Variants in ABCD3 observed in about 807,000 individuals in gnomAD.
The protein encoded by ABCD3 is ATP-binding cassette sub-family D member 3.
A neutral mutation model predicts 105.5 loss-of-function variants in ABCD3; 41 were observed. That is an observed-to-expected ratio of 0.39 (90% CI 0.30 to 0.50). The LOEUF is 0.50. ABCD3 is among the 20% of genes least tolerant of loss of function. ABCD3 has a pLI of 0.84. For missense variants in ABCD3, 622 were observed against 806.3 expected (o/e 0.77, Z 2.77); for synonymous variants, 258 against 269.0 (o/e 0.96, Z 0.40).
intron 1 of ABCD3, among the ~76,000 whole-genome samples, chr1:94,440,424 C>T (rs988469397): frequency 3.3e-5 from 5 of 152,156 alleles, no homozygotes; most frequent in African/African-American, 7.2e-5. Context: ...TTTCTCTTCG[C>T]AGGAGGCTCT....
chr1:94,476,183 ACAAGATG>A (rs1208169163), intron 7 of ABCD3, among the ~76,000 whole-genome samples: 1 of 152,192 alleles, frequency 6.6e-6, no homozygotes, highest in Non-Finnish European at 1.5e-5. Flanking sequence ...AAAAAATTTC[ACAAGATG>A]CAAGTATATT....
intron 1 of ABCD3, among the ~76,000 whole-genome samples, chr1:94,428,074 G>T (rs573747): frequency 0.21 from 26,094 of 126,088 alleles, 2,796 homozygotes; most frequent in East Asian, 0.38. Context: ...AAGGTGTTTT[G>T]TTTTTTTTTT....
chr1:94,472,114 G>T (rs972360), intron 4 of ABCD3: 7,073 of 478,798 alleles, frequency 0.015, 72 homozygotes, highest in Middle Eastern at 0.034. Context: ...TAAACATTTG[G>T]AAGTTGTAGT....
At chr1:94,462,160 C>T (rs545804769) in intron 2 of ABCD3, among the ~76,000 whole-genome samples, 55 of 152,032 alleles carry the variant, frequency 3.6e-4, no homozygotes, top group Non-Finnish European at 6.6e-4. Context: ...CTATAATGTT[C>T]ATGTTAAACT....
At chr1:94,416,055 A>C (rs987151089), upstream of ABCD3, among the ~76,000 whole-genome samples, 1 of 152,176 alleles carries the variant, frequency 6.6e-6, no homozygotes, top group Non-Finnish European at 1.5e-5. Flanking sequence ...TAACTTTTAG[A>C]ATGTTTTGTC....
chr1:94,426,810 G>T (rs1485268216), intron 1 of ABCD3, among the ~76,000 whole-genome samples: 1 of 149,790 alleles, frequency 6.7e-6, no homozygotes, highest in Non-Finnish European at 1.5e-5. Flanking sequence ...CTCCCAAAGT[G>T]CTGGGATTAC....
At chr1:94,398,043 C>T in the ABCD3 span, among the ~76,000 whole-genome samples, 1 of 151,976 alleles carries the variant, frequency 6.6e-6, no homozygotes, top group South Asian at 2.1e-4. Context: ...TTTCTTCACC[C>T]CATTTATTTA....
intron 19 of ABCD3, 32 bp from the exon 20 acceptor site, chr1:94,499,457 ATTAAGT>A: frequency 6.3e-7 from 1 of 1,598,412 alleles, no homozygotes; most frequent in East Asian, 2.2e-5. Flanking sequence ...GTTGGCTTAT[ATTAAGT>A]TTAATTTCAT....
chr1:94,499,443 G>C, intron 19 of ABCD3, 52 bp from the exon 20 acceptor site: 2 of 1,553,610 alleles, frequency 1.3e-6, no homozygotes, highest in South Asian at 1.1e-5. Flanking sequence ...CCACTATTAA[G>C]AATGTTGGCT....
the ABCD3 span, among the ~76,000 whole-genome samples, chr1:94,395,700 A>G: frequency 6.6e-6 from 1 of 152,220 alleles, no homozygotes; most frequent in Non-Finnish European, 1.5e-5. Context: ...GCAAGTAAAA[A>G]TAGTTGGTGC....
At chr1:94,477,193 A>G (rs1370281991) in intron 7 of ABCD3, among the ~76,000 whole-genome samples, 1 of 125,670 alleles carries the variant, frequency 8.0e-6, no homozygotes, top group Non-Finnish European at 1.6e-5. Flanking sequence ...CTTGAATTTT[A>G]TAAGTATCTC....
chr1:94,496,960 G>T (rs1236070189), intron 16 of ABCD3, among the ~76,000 whole-genome samples: 3 of 151,768 alleles, frequency 2.0e-5, no homozygotes, highest in African/African-American at 7.3e-5. Context: ...TAGAGACAGG[G>T]TTTTACCATG....
intron 3 of ABCD3, among the ~76,000 whole-genome samples, chr1:94,466,741 A>G (rs1361707154): frequency 1.3e-5 from 2 of 152,204 alleles, no homozygotes; most frequent in Admixed American, 6.5e-5. Flanking sequence ...TGCATATGTT[A>G]CCTTCCAATC....
the ABCD3 span, among the ~76,000 whole-genome samples, chr1:94,402,425 G>A: frequency 6.6e-6 from 1 of 152,120 alleles, no homozygotes; most frequent in Non-Finnish European, 1.5e-5. Context: ...ATTTATGTGT[G>A]TGCTCTTTAT....
chr1:94,418,361 C>A, upstream of ABCD3: 1 of 879,426 alleles, frequency 1.1e-6, no homozygotes, highest in Admixed American at 2.3e-5. Context: ...GGCGGTCCTG[C>A]GCGGCCGGCC....
chr1:94,490,218 C>G (rs1441218942), intron 15 of ABCD3, among the ~76,000 whole-genome samples: 1 of 151,924 alleles, frequency 6.6e-6, no homozygotes, highest in Non-Finnish European at 1.5e-5. Context: ...CCTATCGCCT[C>G]TACATAGTTA....
In ABCD3 at chr1:94,482,989, C is replaced by T. The variant is rs1057478487; in HGVS notation, c.828-181C>T. ...CAGTCAGGAGTGTATTCCTGTGCTCCGATCAGCTGAGCTAGGAACAGAATC... is the reference window on the plus strand; with the variant it reads ...CAGTCAGGAGTGTATTCCTGTGCTCTGATCAGCTGAGCTAGGAACAGAATC... On this transcript the variant is annotated intron_variant, in intron 9 of 22. Transcript: ENST00000370214. The T allele has an allele frequency of 2.2e-5, 13 of 603,220 alleles. 1 individual carries two copies. The highest frequency in any genetic ancestry group is 1.8e-4 in the South Asian group (9 of 50,774). 37.4% of individuals were successfully genotyped at this position (603,220 alleles called of 1,614,324 possible). A position where few individuals can be genotyped will look rare whatever the true frequency, so the allele number is the denominator to read the frequency against.
At chr1:94,478,389 T>C in intron 8 of ABCD3, 74 bp downstream of exon 8, 1 of 1,263,068 alleles carries the variant, frequency 7.9e-7, no homozygotes, top group South Asian at 1.3e-5. Context: ...AATAGCTTGA[T>C]GGCCTGTAAG....
At chr1:94,450,442 A>G (rs926345954) in intron 1 of ABCD3, among the ~76,000 whole-genome samples, 1 of 152,228 alleles carries the variant, frequency 6.6e-6, no homozygotes, top group African/African-American at 2.4e-5. Flanking sequence ...GAATGAGGGC[A>G]AGGAACACCT....
Sources: gnomAD v4.1 joint callset for allele counts (sites outside exome capture counted in the v4.1 genomes callset) on GRCh38, gnomAD v4.1.1 for gene constraint, MANE v1.5 for transcripts, NCBI Gene and HGNC (gene_info 2026-07-23, HGNC 2026-07-21) for gene names.